Variants in LMO2 observed in about 807,000 individuals in gnomAD.
LMO2 encodes rhombotin-2.
LMO2 carries 20 observed loss-of-function variants against 23.2 expected under a neutral mutation model. The observed-to-expected ratio is 0.86, with a 90% CI of 0.61 to 1.25. LMO2 has a LOEUF of 1.25. LMO2 is among the 50% of genes most tolerant of loss of function. The pLI, the probability that LMO2 is intolerant of heterozygous loss-of-function variation, is 0.00. For synonymous variants in LMO2, 123 were observed against 130.2 expected, an observed-to-expected ratio of 0.94 and a Z score of 0.38; for missense variants, 270 against 315.3, an observed-to-expected ratio of 0.86 and a Z score of 1.09.
chr11:33,865,967 TTA>T (rs1307079052), intron 4 of LMO2, among the ~76,000 whole-genome samples: 2 of 152,236 alleles, frequency 1.3e-5, no homozygotes, highest in Non-Finnish European at 2.9e-5. Flanking sequence ...TAAAAATCTA[TTA>T]TGTTTCAAAA....
At chr11:33,867,643 T>C (rs1030956601) in intron 4 of LMO2, among the ~76,000 whole-genome samples, 7 of 152,344 alleles carry the variant, frequency 4.6e-5, no homozygotes, top group African/African-American at 1.7e-4. Flanking sequence ...CTTGTCCCTC[T>C]TTGATCAGAA....
intron 2 of LMO2, among the ~76,000 whole-genome samples, chr11:33,879,893 G>C (rs1857223184): frequency 6.6e-6 from 1 of 152,074 alleles, no homozygotes; most frequent in East Asian, 1.9e-4. Context: ...GTGTATTGCT[G>C]GTGGGAATGT....
intron 5 of LMO2, among the ~76,000 whole-genome samples, chr11:33,863,042 AGGGAG>A (rs1856642291): frequency 6.6e-6 from 1 of 152,076 alleles, no homozygotes; most frequent in Admixed American, 6.6e-5. Context: ...CGGTAGAGAT[AGGGAG>A]AAGCTGGGGC....
chr11:33,891,552 G>A (rs1355836782), intron 1 of LMO2, among the ~76,000 whole-genome samples: 1 of 152,234 alleles, frequency 6.6e-6, no homozygotes, highest in East Asian at 1.9e-4. Flanking sequence ...GGCTCACACA[G>A]CAAGCGCCTG....
At chr11:33,886,239 A>C (rs934362933) in intron 1 of LMO2, among the ~76,000 whole-genome samples, 2 of 152,206 alleles carry the variant, frequency 1.3e-5, no homozygotes, top group African/African-American at 4.8e-5. Context: ...GGGTGTCACA[A>C]AGATGCACAA....
Position 33,860,997 on chromosome 11 carries a change from A to G in LMO2, c.465-1422T>C, listed in dbSNP as rs190589130. 3.2e-3 allele frequency among the ~76,000 whole-genome samples: 494 copies of G among 152,314 alleles called. 2 individuals are homozygous for G. Among genetic ancestry groups the G allele is most frequent in the Middle Eastern group, 0.01 (3 of 294 alleles). On this transcript the variant is annotated intron_variant, in intron 5 of 5. Coordinates refer to ENST00000257818, the MANE Select transcript of LMO2 (RefSeq NM_005574.4). ...GCTTCAATGTCCCGGACCAGCCCTG[A>G]GTGACCCTGGAGAGACCTCTGATTC...
Position 33,869,461 on chromosome 11 carries a change from G to A in LMO2, c.133C>T (p.Arg45Ter), listed in dbSNP as rs1212953056. 2 of 1,196,600 alleles carry A rather than the reference G, an allele frequency of 1.7e-6. No homozygotes were observed. 74.1% of individuals were successfully genotyped at this position (1,196,600 alleles called of 1,614,324 possible). Residue 45 changes from arginine (R) to a stop codon, truncating the protein, a stop_gained, in exon 4 of 6, where the codon CGA (arginine) becomes TGA (stop). Transcript: ENST00000257818. LOFTEE classifies it high-confidence loss of function. ...GGGARAPEGV[R>*]APAAGQPRAT... ...CGGGGCTGGCCGGCTGCCGGGGCTC[G>A]GACCCCCTCGGGTGCTCGGGCGCCG...
At chr11:33,876,135 G>A (rs1447808618) in intron 2 of LMO2, among the ~76,000 whole-genome samples, 1 of 152,030 alleles carries the variant, frequency 6.6e-6, no homozygotes, top group Non-Finnish European at 1.5e-5. Context: ...ACTTCATTCA[G>A]GTCTCTGTTC....
chr11:33,865,748 T>C (rs919855221), intron 4 of LMO2, among the ~76,000 whole-genome samples: 18 of 152,270 alleles, frequency 1.2e-4, no homozygotes, highest in Non-Finnish European at 2.6e-4. Flanking sequence ...TAATACGCCA[T>C]GCATAGCATC....
intron 4 of LMO2, among the ~76,000 whole-genome samples, chr11:33,868,530 A>G (rs1856869764): frequency 6.6e-6 from 1 of 152,170 alleles, no homozygotes; most frequent in Non-Finnish European, 1.5e-5. Flanking sequence ...ACGCTGAAGA[A>G]TGGGTGAGGG....
chr11:33,867,502 A>C (rs1159876922), intron 4 of LMO2, among the ~76,000 whole-genome samples: 1 of 152,202 alleles, frequency 6.6e-6, no homozygotes, highest in Non-Finnish European at 1.5e-5. Context: ...CCCTCAAATT[A>C]ATATTTTATA....
At chr11:33,863,109 G>C (rs1265027026) in intron 5 of LMO2, among the ~76,000 whole-genome samples, 1 of 152,074 alleles carries the variant, frequency 6.6e-6, no homozygotes, top group Non-Finnish European at 1.5e-5. Flanking sequence ...CAAATGATTT[G>C]ACAGGGATGG....
At chr11:33,862,454 T>A (rs1856617627) in intron 5 of LMO2, among the ~76,000 whole-genome samples, 1 of 152,186 alleles carries the variant, frequency 6.6e-6, no homozygotes, top group South Asian at 2.1e-4. Context: ...AGCACAGACA[T>A]GAACAGCTGC....
chr11:33,869,379 G>A lies in LMO2; in HGVS notation c.215C>T (p.Ser72Leu). 1 of 1,209,566 alleles carries A rather than the reference G, an allele frequency of 8.3e-7. No individual in the cohort carries two copies. The highest frequency in any genetic ancestry group is 1.0e-6 in the Non-Finnish European group (1 of 966,266). 74.9% of individuals were successfully genotyped at this position (1,209,566 alleles called of 1,614,324 possible). A position where few individuals can be genotyped will look rare whatever the true frequency, so the allele number is the denominator to read the frequency against. ...GTCCAGGCTCTTCCTTTCGATGGCC[G>A]AGGACATTGGGGAGGGAGGCGGGGT... ...PGTPPPSPMS[S>L]AIERKSLDPS... Residue 72 changes from serine (S) to leucine (L), a missense_variant, in exon 4 of 6, where the codon TCG (serine) becomes TTG (leucine). Transcript: ENST00000257818.
intron 2 of LMO2, among the ~76,000 whole-genome samples, chr11:33,871,539 G>T (rs1477825671): frequency 8.0e-6 from 1 of 125,272 alleles, no homozygotes; most frequent in African/African-American, 3.1e-5. Context: ...TTGCCCCCCA[G>T]TCTGGGGAAC....
chr11:33,876,597 G>A (rs1363748529), intron 2 of LMO2, among the ~76,000 whole-genome samples: 1 of 152,164 alleles, frequency 6.6e-6, no homozygotes, highest in Non-Finnish European at 1.5e-5. Context: ...AGTTTGGTTT[G>A]GGAAAGAGAT....
chr11:33,861,806 G>C (rs1856591685), intron 5 of LMO2, among the ~76,000 whole-genome samples: 1 of 152,146 alleles, frequency 6.6e-6, no homozygotes, highest in Admixed American at 6.5e-5. Context: ...AAGGACAAAG[G>C]ACGAATATGT....
chr11:33,873,839 T>C (rs191137765), intron 2 of LMO2, among the ~76,000 whole-genome samples: 32 of 152,362 alleles, frequency 2.1e-4, no homozygotes, highest in Admixed American at 3.3e-4. Flanking sequence ...TTTTGCTTAT[T>C]ACATTTACAA....
At chr11:33,874,220 G>A (rs948488232) in intron 2 of LMO2, among the ~76,000 whole-genome samples, 6 of 152,180 alleles carry the variant, frequency 3.9e-5, no homozygotes, top group Non-Finnish European at 8.8e-5. Context: ...TTTCACAGAT[G>A]TAAGGCCTAT....
Sources: allele counts gnomAD v4.1 joint callset (sites outside exome capture counted in the v4.1 genomes callset), GRCh38; gene constraint gnomAD v4.1.1; transcripts MANE v1.5; gene names NCBI Gene and HGNC (gene_info 2026-07-23, HGNC 2026-07-21).